The following RYR3 variants were observed in gnomAD, a reference collection of about 807,000 sequenced individuals.
RYR3 encodes the protein brain ryanodine receptor-calcium release channel.
A neutral mutation model predicts 584.3 loss-of-function variants in RYR3; 207 were observed. That is an observed-to-expected ratio of 0.35 (90% CI 0.32 to 0.40). The LOEUF is 0.40. Among genes scored for constraint, RYR3 ranks in the 10% least tolerant of loss-of-function variants. RYR3 has a pLI of 1.00. For missense variants in RYR3, 5,616 were observed against 6,089.2 expected (o/e 0.92, Z 2.59); for synonymous variants, 2,416 against 2,248.5 (o/e 1.07, Z -2.11).
chr15:33,378,226 C>A (rs1374940193), intron 1 of RYR3, among the ~76,000 whole-genome samples: 1 of 152,218 alleles, frequency 6.6e-6, no homozygotes, highest in Non-Finnish European at 1.5e-5. Context: ...GGGAGCCAGT[C>A]CAGCCCACCT....
intron 69 of RYR3, among the ~76,000 whole-genome samples, chr15:33,807,282 C>T (rs12906601): frequency 0.071 from 10,818 of 152,166 alleles, 544 homozygotes; most frequent in Middle Eastern, 0.1. Flanking sequence ...CAGCCTGGGT[C>T]GGGTCTGAGT....
At chr15:33,724,610 T>C (rs1247040866) in intron 45 of RYR3, among the ~76,000 whole-genome samples, 1 of 152,104 alleles carries the variant, frequency 6.6e-6, no homozygotes, top group Admixed American at 6.5e-5. Context: ...CCCCCAGAGG[T>C]AGAGTTTGCA....
At chr15:33,819,162 A>G (rs1203211113) in intron 76 of RYR3, among the ~76,000 whole-genome samples, 28 of 152,144 alleles carry the variant, frequency 1.8e-4, no homozygotes. Context: ...ACATCAAGCC[A>G]CAGCCTGCTC....
intron 94 of RYR3, chr15:33,850,499 T>C (rs2079026506): frequency 6.6e-6 from 1 of 152,206 alleles, no homozygotes; most frequent in African/African-American, 2.4e-5. Context: ...TAGAGTGGCT[T>C]AAACGTCCAT....
intron 16 of RYR3, among the ~76,000 whole-genome samples, chr15:33,596,926 A>G (rs910302587): frequency 1.3e-5 from 2 of 152,282 alleles, no homozygotes; most frequent in African/African-American, 2.4e-5. Flanking sequence ...CATAGGCCGA[A>G]CTAACTTTGA....
intron 86 of RYR3, among the ~76,000 whole-genome samples, chr15:33,834,285 A>AACACACACACACACACACACAC (rs61059288): frequency 3.7e-5 from 5 of 136,870 alleles, no homozygotes; most frequent in African/African-American, 8.5e-5. Flanking sequence ...ATCTGTCTTA[A>AACACACACACACACACACACAC]ACACACACAC....
chr15:33,669,487 T>C (rs2063690069), intron 37 of RYR3, 31 bp downstream of exon 37: 1 of 1,585,108 alleles, frequency 6.3e-7, no homozygotes. Flanking sequence ...CTTTGTCCTT[T>C]TTTTACAAGA....
intron 1 of RYR3, among the ~76,000 whole-genome samples, chr15:33,366,837 C>G (rs746346285): frequency 1.3e-5 from 2 of 152,000 alleles, no homozygotes; most frequent in South Asian, 4.2e-4. Context: ...ACAATGAGAC[C>G]GGTCAATAGA....
rs368383518 is a variant in RYR3 at position 33,461,994 on chromosome 15, GA to G, written c.52-11417del. Among the ~76,000 whole-genome samples the G allele has an allele frequency of 1.7e-4, 26 of 151,694 alleles. No individual in the cohort carries two copies. In the East Asian group the frequency reaches 2.3e-3, roughly 14 times the overall value. ...CATGATTTAGTTCTGAATGGAGCTG[GA>G]AAAAAAACCGTAGTTTTATGTTTTT... On this transcript the variant is annotated intron_variant, in intron 1 of 103. Coordinates refer to ENST00000634891, the MANE Select transcript of RYR3 (RefSeq NM_001036.6).
At chr15:33,835,097 T>G in intron 87 of RYR3, 25 bp downstream of exon 87, 1 of 1,537,292 alleles carries the variant, frequency 6.5e-7, no homozygotes, top group Non-Finnish European at 9.0e-7. Flanking sequence ...TCCCTGCACG[T>G]GTCATTGTTG....
rs1174408300 is a variant in RYR3, at chr15:33,843,569, T to C, written c.13291T>C (p.Tyr4431His). 6.3e-7 allele frequency: 1 copy of C among 1,578,934 alleles called. No homozygotes were observed. The highest frequency in any genetic ancestry group is 1.1e-5 in the South Asian group (1 of 87,032). Residue 4431 changes from tyrosine (Y) to histidine (H), a missense_variant, in exon 92 of 104, where the codon TAT (tyrosine) becomes CAT (histidine). Transcript: ENST00000634891. ...CGCTATCAACTTCATCCTGCTTTTT[T>C]ATAAGGTGATACTTCATTCAGGGGT... ...AFAINFILLF[Y>H]KVTEEPLEEE...
intron 38 of RYR3, among the ~76,000 whole-genome samples, chr15:33,672,486 G>A (rs1037211675): frequency 1.3e-5 from 2 of 152,134 alleles, no homozygotes; most frequent in Non-Finnish European, 2.9e-5. Context: ...AGAAATAGAC[G>A]AAATGGTTGA....
At chr15:33,633,572 A>G (rs533013684) in intron 24 of RYR3, among the ~76,000 whole-genome samples, 5 of 152,302 alleles carry the variant, frequency 3.3e-5, no homozygotes, top group African/African-American at 1.2e-4. Flanking sequence ...CACCAATGGT[A>G]GGGTTAGTAT....
At chr15:33,861,782 A>G (rs1229140830) in intron 102 of RYR3, among the ~76,000 whole-genome samples, 1 of 151,998 alleles carries the variant, frequency 6.6e-6, no homozygotes, top group African/African-American at 2.4e-5. Flanking sequence ...ATGACCTGGG[A>G]TATTTTTGGG....
chr15:33,757,193 A>G (rs930582031), intron 59 of RYR3, among the ~76,000 whole-genome samples: 10 of 152,184 alleles, frequency 6.6e-5, no homozygotes, highest in African/African-American at 1.7e-4. Context: ...AAGAAGCCCT[A>G]TCTGAGTGCA....
intron 12 of RYR3, among the ~76,000 whole-genome samples, chr15:33,574,138 G>T (rs146297303): frequency 9.8e-4 from 149 of 152,244 alleles, no homozygotes; most frequent in African/African-American, 3.4e-3. Context: ...CAGTGGCAAG[G>T]CTGAGACCTG....
intron 5 of RYR3, among the ~76,000 whole-genome samples, chr15:33,538,469 G>T (rs1231170092): frequency 2.0e-5 from 3 of 152,144 alleles, no homozygotes; most frequent in African/African-American, 7.2e-5. Flanking sequence ...TCTGTTTTCA[G>T]CAAGACTCTA....
chr15:33,433,503 A>G (rs560478171), intron 1 of RYR3, among the ~76,000 whole-genome samples: 1 of 151,946 alleles, frequency 6.6e-6, no homozygotes, highest in African/African-American at 2.4e-5. Context: ...CACTCAAAGA[A>G]ATTAAAGGAC....
intron 1 of RYR3, among the ~76,000 whole-genome samples, chr15:33,411,584 A>C (rs1404945975): frequency 1.3e-5 from 2 of 152,204 alleles, no homozygotes; most frequent in Admixed American, 6.5e-5. Flanking sequence ...ACTCTGCTGA[A>C]GATTATTATT....
Sources: allele counts gnomAD v4.1 joint callset (sites outside exome capture counted in the v4.1 genomes callset), GRCh38; gene constraint gnomAD v4.1.1; transcripts MANE v1.5; gene names NCBI Gene and HGNC (gene_info 2026-07-23, HGNC 2026-07-21).